The following APBA2 variants were observed in gnomAD, a reference collection of about 807,000 sequenced individuals.
APBA2 encodes the protein amyloid beta precursor protein binding family A member 2, also known as amyloid-beta A4 precursor protein-binding family A member 2.
In APBA2, 30 loss-of-function variants were observed where a neutral mutation model predicts 75.0. The ratio of observed to expected loss-of-function variants is 0.40; its 90% confidence interval spans 0.30 to 0.54. The LOEUF (loss-of-function observed/expected upper bound fraction) is 0.54. Ranked by LOEUF, APBA2 falls within the 20% of genes least tolerant of loss-of-function variation. The pLI, the probability that APBA2 is intolerant of heterozygous loss-of-function variation, is 0.49. For synonymous variants in APBA2, 444 were observed against 409.6 expected (o/e 1.08, Z -1.01); for missense variants, 801 against 1,016.1 (o/e 0.79, Z 2.88).
At chr15:29,059,676 C>G (rs565887539) in intron 4 of APBA2, among the ~76,000 whole-genome samples, 1 of 152,256 alleles carries the variant, frequency 6.6e-6, no homozygotes, top group Non-Finnish European at 1.5e-5. Flanking sequence ...GATTCATTGA[C>G]AAAAATGTGT....
chr15:29,008,562 A>G (rs2039243411), intron 3 of APBA2, among the ~76,000 whole-genome samples: 1 of 152,122 alleles, frequency 6.6e-6, no homozygotes, highest in East Asian at 1.9e-4. Flanking sequence ...ATCTCTACAT[A>G]GAATTAAAAT....
chr15:28,975,377 T>C (rs1050070426), intron 2 of APBA2, among the ~76,000 whole-genome samples: 1 of 152,198 alleles, frequency 6.6e-6, no homozygotes, highest in Non-Finnish European at 1.5e-5. Flanking sequence ...CTTAGGAATA[T>C]TGATGTAAAA....
intron 8 of APBA2, among the ~76,000 whole-genome samples, chr15:29,094,847 C>T (rs1477508587): frequency 6.6e-6 from 1 of 150,634 alleles, no homozygotes; most frequent in African/African-American, 2.4e-5. Flanking sequence ...ATCATTTGAG[C>T]CTAGGAGTTT....
intron 4 of APBA2, among the ~76,000 whole-genome samples, chr15:29,068,094 C>T (rs140764341): frequency 2.8e-4 from 42 of 152,302 alleles, no homozygotes; most frequent in African/African-American, 9.1e-4. Context: ...CTAGTTTTCT[C>T]AGAATGTGTG....
intron 3 of APBA2, among the ~76,000 whole-genome samples, chr15:29,014,371 G>A (rs1021456283): frequency 3.9e-5 from 6 of 152,122 alleles, no homozygotes; most frequent in Non-Finnish European, 7.4e-5. Flanking sequence ...TATTCTTACC[G>A]AATTCATTTA....
At chr15:28,887,029 A>G (rs1014209153) in intron 1 of APBA2, among the ~76,000 whole-genome samples, 1 of 152,196 alleles carries the variant, frequency 6.6e-6, no homozygotes, top group African/African-American at 2.4e-5. Context: ...GAGGGGGCGA[A>G]CTTCCTTTCT....
chr15:28,905,380 T>C (rs555362540), intron 1 of APBA2, among the ~76,000 whole-genome samples: 1 of 152,360 alleles, frequency 6.6e-6, no homozygotes, highest in Admixed American at 6.5e-5. Flanking sequence ...CTATTTTCTA[T>C]GCGTGGAAGC....
intron 1 of APBA2, among the ~76,000 whole-genome samples, chr15:28,912,790 T>C (rs1476239018): frequency 6.6e-6 from 1 of 152,244 alleles, no homozygotes; most frequent in Non-Finnish European, 1.5e-5. Flanking sequence ...ATTTTGTTCT[T>C]TTTCCCTAGG....
intron 1 of APBA2, among the ~76,000 whole-genome samples, chr15:28,906,514 G>A (rs899352674): frequency 5.3e-5 from 8 of 152,184 alleles, no homozygotes; most frequent in Admixed American, 2.0e-4. Flanking sequence ...CCTAGAAGTG[G>A]ACTTGCTGGG....
intron 2 of APBA2, among the ~76,000 whole-genome samples, chr15:28,971,921 G>A (rs58972186): frequency 0.14 from 20,842 of 152,052 alleles, 2,014 homozygotes; most frequent in East Asian, 0.44. Context: ...AAAATGTGTA[G>A]CAAAATGCTG....
At position 29,017,156 on chromosome 15, in the gene APBA2, T is replaced by G. The variant is rs566137770; in HGVS notation, c.-41+21350T>G. On this transcript the variant is annotated intron_variant, in intron 3 of 14. Coordinates refer to ENST00000683413, the MANE Select transcript of APBA2 (RefSeq NM_001353788.2). ...GCAGCTTGAGGTCCTTGCTCCCTGG[T>G]GTGGGGCATCTGAAGGGCTGTGGTG... 2.0e-5 allele frequency among the ~76,000 whole-genome samples: 3 copies of G among 152,134 alleles called. No individual in the cohort carries two copies. The South Asian group carries it at 6.2e-4, about 32-fold the overall frequency.
At chr15:29,105,351 G>A in intron 10 of APBA2, 28 bp from the exon 11 acceptor site, 10 of 1,604,322 alleles carry the variant, frequency 6.2e-6, no homozygotes, top group South Asian at 2.2e-5. Flanking sequence ...CCACGTGCCT[G>A]TCTCCAGCTG....
intron 13 of APBA2, chr15:29,108,768 T>C (rs2044577328): frequency 2.7e-6 from 1 of 370,538 alleles, no homozygotes; most frequent in Non-Finnish European, 5.1e-6. Context: ...CATTCATTCA[T>C]GTACTCATCA....
chr15:28,985,376 T>G (rs76260628), intron 2 of APBA2, among the ~76,000 whole-genome samples: 3,940 of 152,168 alleles, frequency 0.026, 182 homozygotes, highest in East Asian at 0.2. Context: ...ACAAACAACA[T>G]CGGGTCCAGA....
In APBA2 at chr15:29,086,632, A is replaced by T. The variant is rs866404714; in HGVS notation, c.1070-6443A>T. Among the ~76,000 whole-genome samples, 16 of 152,346 alleles carry T rather than the reference A, an allele frequency of 1.1e-4. 1 individual carries two copies. The highest frequency in any genetic ancestry group is 6.8e-3 in the Middle Eastern group (2 of 294). ...ATAACAATACCAAACACTGCCAAGGACACATGATTGTAGATACAGATTATG... is the reference window on the plus strand; with the variant it reads ...ATAACAATACCAAACACTGCCAAGGTCACATGATTGTAGATACAGATTATG... On this transcript the variant is annotated intron_variant, in intron 6 of 14. Coordinates refer to ENST00000683413, the MANE Select transcript of APBA2 (RefSeq NM_001353788.2).
intron 3 of APBA2, among the ~76,000 whole-genome samples, chr15:28,997,277 G>A (rs966320618): frequency 3.3e-5 from 5 of 152,210 alleles, no homozygotes; most frequent in African/African-American, 4.8e-5. Context: ...AGGGTGAAAC[G>A]TAGAAGAGCT....
intron 1 of APBA2, among the ~76,000 whole-genome samples, chr15:28,896,439 C>T (rs953193162): frequency 6.6e-6 from 1 of 152,156 alleles, no homozygotes; most frequent in African/African-American, 2.4e-5. Flanking sequence ...GCCACCACCC[C>T]CGGCTAATTT....
intron 6 of APBA2, among the ~76,000 whole-genome samples, chr15:29,076,326 A>G (rs922225194): frequency 9.2e-5 from 14 of 152,230 alleles, no homozygotes; most frequent in Middle Eastern, 6.8e-3. Flanking sequence ...TCCTTTAATT[A>G]TACCCTCACT....
intron 1 of APBA2, among the ~76,000 whole-genome samples, chr15:28,890,338 A>T (rs1447587878): frequency 6.6e-6 from 1 of 152,238 alleles, no homozygotes; most frequent in Non-Finnish European, 1.5e-5. Flanking sequence ...CTCTGCACCC[A>T]GGCGGTCCCT....
Sources: allele counts gnomAD v4.1 joint callset (sites outside exome capture counted in the v4.1 genomes callset), GRCh38; gene constraint gnomAD v4.1.1; transcripts MANE v1.5; gene names NCBI Gene and HGNC (gene_info 2026-07-23, HGNC 2026-07-21).